Variants in AFG3L2 observed in about 807,000 individuals in gnomAD.
The protein encoded by AFG3L2 is AFG3 like matrix AAA peptidase subunit 2, also known as mitochondrial inner membrane m-AAA protease component AFG3L2.
In AFG3L2, 54 loss-of-function variants were observed where a neutral mutation model predicts 94.5. The observed-to-expected ratio is 0.57, with a 90% CI of 0.46 to 0.72. The LOEUF (loss-of-function observed/expected upper bound fraction) is 0.72, where lower values mean the gene tolerates loss of function less well. Ranked by LOEUF, AFG3L2 falls within the 30% of genes least tolerant of loss-of-function variation. The pLI, the probability that AFG3L2 is intolerant of heterozygous loss-of-function variation, is 0.00. For missense variants in AFG3L2, 754 were observed against 994.9 expected (o/e 0.76, Z 3.26); for synonymous variants, 377 against 365.5 (o/e 1.03, Z -0.36).
chr18:12,329,603 C>G lies in AFG3L2; in HGVS notation c.2356G>C (p.Glu786Gln), dbSNP rs750261394. The change falls in exon 17 of 17, where the codon GAG becomes CAG. Residue 786 changes from glutamate to glutamine, a missense_variant. Physicochemically the swap from Glu to Gln is conservative, Grantham distance 29 (BLOSUM62 2). Transcript: ENST00000269143. ...TTCTCACCCGGGGGCTCCTCTTTCTCCTTTTCCCGCTCCTTGTTCCAGTCC... is the reference window on the plus strand; with the variant it reads ...TTCTCACCCGGGGGCTCCTCTTTCTGCTTTTCCCGCTCCTTGTTCCAGTCC... ...LKDWNKEREK[E>Q]KEEPPGEKVA... The G allele has an allele frequency of 6.2e-7, 1 of 1,614,180 alleles. No individual in the cohort carries two copies. Among genetic ancestry groups the G allele is most frequent in the Non-Finnish European group, 8.5e-7 (1 of 1,180,038 alleles).
intron 16 of AFG3L2, 146 bp from the exon 17 acceptor site, chr18:12,329,929 T>C: frequency 1.4e-6 from 1 of 716,766 alleles, no homozygotes; most frequent in African/African-American, 1.8e-5. Context: ...TGCATAGTTT[T>C]AGAGTAAGAT....
At chr18:12,369,690 T>G (rs1908917190) in intron 3 of AFG3L2, among the ~76,000 whole-genome samples, 1 of 145,254 alleles carries the variant, frequency 6.9e-6, no homozygotes. Flanking sequence ...CACTCCAGCC[T>G]GGGCGACAGA....
intron 13 of AFG3L2, among the ~76,000 whole-genome samples, chr18:12,347,642 C>A (rs2143153720): frequency 6.6e-6 from 1 of 152,124 alleles, no homozygotes; most frequent in African/African-American, 2.4e-5. Flanking sequence ...CCTCTGCCTC[C>A]CGGGTTCAAG....
At chr18:12,358,296 G>A (rs1282769183) in intron 8 of AFG3L2, among the ~76,000 whole-genome samples, 21 of 152,210 alleles carry the variant, frequency 1.4e-4, no homozygotes, top group Admixed American at 1.4e-3. Context: ...CAGCACAGGT[G>A]TCCTGTCCAC....
intron 15 of AFG3L2, among the ~76,000 whole-genome samples, chr18:12,339,236 C>CAAAA (rs539968042): frequency 3.6e-4 from 15 of 41,300 alleles, no homozygotes; most frequent in Non-Finnish European, 6.0e-4. Context: ...GACTCTGTCT[C>CAAAA]AAAAAAAAAA....
At chr18:12,344,518 T>C (rs974245749) in intron 13 of AFG3L2, among the ~76,000 whole-genome samples, 2 of 151,756 alleles carry the variant, frequency 1.3e-5, no homozygotes, top group African/African-American at 4.8e-5. Context: ...CTACTAAAAA[T>C]ACAAAATTAG....
At chr18:12,376,844 C>CCCT (rs1456529594) in intron 1 of AFG3L2, 125 bp downstream of exon 1, 1 of 678,150 alleles carries the variant, frequency 1.5e-6, no homozygotes, top group Non-Finnish European at 2.1e-6. Flanking sequence ...GGCGCCCAGG[C>CCCT]CCTCGGCAGG....
At chr18:12,365,944 G>A (rs550498061) in intron 5 of AFG3L2, among the ~76,000 whole-genome samples, 6 of 140,548 alleles carry the variant, frequency 4.3e-5, no homozygotes, top group African/African-American at 8.2e-5. Context: ...GTGCAATCTC[G>A]GCTCACTGCA....
chr18:12,343,961 T>C lies in AFG3L2; in HGVS notation c.1779+171A>G, dbSNP rs1026768693. 4.6e-6 allele frequency: 3 copies of C among 646,164 alleles called. No individual in the cohort carries two copies. The African/African-American group carries it at 5.5e-5, about 12-fold the overall frequency. 40.0% of individuals were successfully genotyped at this position (646,164 alleles called of 1,614,324 possible). A position where few individuals can be genotyped will look rare whatever the true frequency, so the allele number is the denominator to read the frequency against. On this transcript the variant is annotated intron_variant, in intron 14 of 16. Coordinates refer to ENST00000269143, the MANE Select transcript of AFG3L2 (RefSeq NM_006796.3). ...TAAATAATTTTCTGTCCAAATTTTA[T>C]ATTTATCTATGGGACGGTTTGTGCA...
chr18:12,350,526 A>G (rs770433292), intron 12 of AFG3L2, among the ~76,000 whole-genome samples: 1 of 152,252 alleles, frequency 6.6e-6, no homozygotes, highest in South Asian at 2.1e-4. Context: ...GAAAGAGAAG[A>G]GGGTATAGAT....
rs188271395 is a variant in AFG3L2, at chr18:12,348,752, T to C, written c.1553-369A>G. Among the ~76,000 whole-genome samples, 244 of 152,326 alleles carry C rather than the reference T, an allele frequency of 1.6e-3. 2 individuals are homozygous for C. Among genetic ancestry groups the C allele is most frequent in the South Asian group, 8.5e-3 (41 of 4,828 alleles). On this transcript the variant is annotated intron_variant, in intron 12 of 16. Transcript: ENST00000269143. Reference sequence around the variant, plus strand: ...GTTGGAAAAATGGCTTGCATAGATATTAGGTGAAGTACTGATATATGATGA... The same window carrying C: ...GTTGGAAAAATGGCTTGCATAGATACTAGGTGAAGTACTGATATATGATGA...
At chr18:12,361,998 G>C (rs905623414) in intron 6 of AFG3L2, among the ~76,000 whole-genome samples, 32 of 152,214 alleles carry the variant, frequency 2.1e-4, no homozygotes, top group African/African-American at 7.0e-4. Flanking sequence ...GCAGCATAGT[G>C]CCACCCAGCA....
intron 16 of AFG3L2, chr18:12,337,053 T>C: frequency 1.7e-6 from 1 of 596,982 alleles, no homozygotes; most frequent in Non-Finnish European, 3.0e-6. Flanking sequence ...AACTATCTGG[T>C]GAGGGAGAGT....
At chr18:12,367,403 C>A in intron 3 of AFG3L2, 21 bp from the exon 4 acceptor site, 1 of 1,609,898 alleles carries the variant, frequency 6.2e-7, no homozygotes, top group Non-Finnish European at 8.5e-7. Context: ...ACAAAGAGCA[C>A]ACACAGAAGC....
At chr18:12,335,471 T>G (rs1907712648) in intron 16 of AFG3L2, among the ~76,000 whole-genome samples, 1 of 152,192 alleles carries the variant, frequency 6.6e-6, no homozygotes, top group Admixed American at 6.5e-5. Flanking sequence ...CTGCCACTCT[T>G]TCCCCTTTAA....
intron 7 of AFG3L2, 22 bp downstream of exon 7, chr18:12,359,905 A>G: frequency 1.2e-6 from 2 of 1,612,300 alleles, no homozygotes; most frequent in Non-Finnish European, 1.7e-6. Context: ...AACAGTCTAC[A>G]AAATATTATA....
At chr18:12,359,019 T>A (rs1293326185) in intron 7 of AFG3L2, 76 bp from the exon 8 acceptor site, 1 of 1,537,350 alleles carries the variant, frequency 6.5e-7, no homozygotes, top group Admixed American at 2.0e-5. Flanking sequence ...AAGATATCAA[T>A]ATAAATATAT....
Position 12,329,789 on chromosome 18 carries a change from A to T in AFG3L2, c.2176-6T>A, listed in dbSNP as rs1355577220. ...TCTAACAACAGAAGAGCAACCTGAAATATGAACAATTTTCATTAAATACAG... is the reference window on the plus strand; with the variant it reads ...TCTAACAACAGAAGAGCAACCTGAATTATGAACAATTTTCATTAAATACAG... On this transcript the variant is annotated splice_polypyrimidine_tract_variant and splice_region_variant and intron_variant, in intron 16 of 16. Transcript: ENST00000269143. 2 of 1,607,348 alleles carry T rather than the reference A, an allele frequency of 1.2e-6. No individual in the cohort carries two copies. Among genetic ancestry groups the T allele is most frequent in the East Asian group, 4.5e-5 (2 of 44,852 alleles).
intron 15 of AFG3L2, 47 bp downstream of exon 15, chr18:12,340,154 G>A: frequency 6.5e-7 from 1 of 1,529,862 alleles, no homozygotes. Context: ...AATTTCTCGT[G>A]CAAATATGAA....
Sources: allele counts gnomAD v4.1 joint callset (sites outside exome capture counted in the v4.1 genomes callset), GRCh38; gene constraint gnomAD v4.1.1; transcripts MANE v1.5; gene names NCBI Gene and HGNC (gene_info 2026-07-23, HGNC 2026-07-21).